Variants in PTPRK observed in about 807,000 individuals in gnomAD.
PTPRK encodes protein tyrosine phosphatase receptor type K.
Under a neutral mutation model 178.0 loss-of-function variants are expected in PTPRK, and 75 were observed. The observed-to-expected ratio is 0.42, with a 90% CI of 0.35 to 0.51. PTPRK has a LOEUF of 0.51. PTPRK is among the 20% of genes least tolerant of loss of function. The pLI, the probability that PTPRK is intolerant of heterozygous loss-of-function variation, is 0.02. For synonymous variants in PTPRK, 637 were observed against 620.6 expected, an observed-to-expected ratio of 1.03 and a Z score of -0.39; for missense variants, 1,441 against 1,797.8, an observed-to-expected ratio of 0.80 and a Z score of 3.59.
chr6:128,177,293 T>G (rs1801214309), intron 7 of PTPRK, among the ~76,000 whole-genome samples: 1 of 151,782 alleles, frequency 6.6e-6, no homozygotes, highest in Admixed American at 6.6e-5. Flanking sequence ...ATTTTACTTT[T>G]AAAGCCATTT....
Position 128,034,018 on chromosome 6 carries a change from C to T in PTPRK, c.2195-24750G>A, listed in dbSNP as rs149029694. Among the ~76,000 whole-genome samples, 405 of 152,258 alleles carry T rather than the reference C, an allele frequency of 2.7e-3. 1 individual carries two copies. Among genetic ancestry groups the T allele is most frequent in the Non-Finnish European group, 4.3e-3 (295 of 68,014 alleles). On this transcript the variant is annotated intron_variant, in intron 13 of 29. Coordinates refer to ENST00000368226, the MANE Select transcript of PTPRK (RefSeq NM_002844.4). ...TATTTCTATTCTTTATATCTTCATACGAAAAGATATACTTCGGTACACTTA... is the reference window on the plus strand; with the variant it reads ...TATTTCTATTCTTTATATCTTCATATGAAAAGATATACTTCGGTACACTTA...
intron 1 of PTPRK, among the ~76,000 whole-genome samples, chr6:128,493,363 C>A (rs2128431407): frequency 6.6e-6 from 1 of 151,034 alleles, no homozygotes; most frequent in East Asian, 1.9e-4. Flanking sequence ...GAGATCAAGA[C>A]CATCCTGGCT....
chr6:128,070,364 T>C (rs1782600084), intron 11 of PTPRK, among the ~76,000 whole-genome samples: 1 of 152,010 alleles, frequency 6.6e-6, no homozygotes, highest in Admixed American at 6.6e-5. Flanking sequence ...AAAGTGATAG[T>C]ATTTGGAGAG....
At chr6:128,505,156 T>G in intron 1 of PTPRK, among the ~76,000 whole-genome samples, 1 of 148,376 alleles carries the variant, frequency 6.7e-6, no homozygotes, top group Non-Finnish European at 1.5e-5. Flanking sequence ...CAGGCTGGAG[T>G]GCAGTGGCGA....
At chr6:128,401,467 T>G (rs1424244477) in intron 1 of PTPRK, among the ~76,000 whole-genome samples, 1 of 152,012 alleles carries the variant, frequency 6.6e-6, no homozygotes, top group Non-Finnish European at 1.5e-5. Flanking sequence ...CAGGAAAAAA[T>G]GAATACTAAA....
chr6:127,978,465 C>T lies in PTPRK; in HGVS notation c.3712-1411G>A, dbSNP rs556477001. Among the ~76,000 whole-genome samples, 9 of 152,256 alleles carry T rather than the reference C, an allele frequency of 5.9e-5. 1 individual carries two copies. In the South Asian group the frequency reaches 8.3e-4, roughly 14 times the overall value. On this transcript the variant is annotated intron_variant, in intron 25 of 29. Transcript: ENST00000368226. ...AAGAAGGACGGGTTTGCTTCCCCTT[C>T]GGCCATAATTGCAGGGATCCTGAGG...
intron 7 of PTPRK, among the ~76,000 whole-genome samples, chr6:128,110,988 C>T (rs1411611083): frequency 2.6e-5 from 4 of 152,150 alleles, no homozygotes; most frequent in East Asian, 1.9e-4. Flanking sequence ...CATATCACCA[C>T]GTCTGATGGT....
intron 7 of PTPRK, among the ~76,000 whole-genome samples, chr6:128,128,069 A>G (rs1296599599): frequency 6.6e-6 from 1 of 152,234 alleles, no homozygotes; most frequent in African/African-American, 2.4e-5. Flanking sequence ...GCTATCATCT[A>G]AAACCAATGA....
At chr6:128,399,946 T>C (rs1192836629) in intron 1 of PTPRK, among the ~76,000 whole-genome samples, 1 of 152,214 alleles carries the variant, frequency 6.6e-6, no homozygotes, top group Non-Finnish European at 1.5e-5. Context: ...TTTTAAATAA[T>C]TTTTAATTTC....
chr6:128,388,242 A>C (rs1839047143), intron 2 of PTPRK, among the ~76,000 whole-genome samples: 2 of 152,284 alleles, frequency 1.3e-5, no homozygotes, highest in African/African-American at 4.8e-5. Context: ...GACAACTAAG[A>C]ACCTCTTTTT....
intron 7 of PTPRK, among the ~76,000 whole-genome samples, chr6:128,168,431 C>T (rs907384317): frequency 6.6e-6 from 1 of 152,048 alleles, no homozygotes; most frequent in African/African-American, 2.4e-5. Context: ...GATATCTGTA[C>T]TCCCATGTTC....
chr6:128,495,112 T>G (rs1414441555), intron 1 of PTPRK, among the ~76,000 whole-genome samples: 1 of 152,186 alleles, frequency 6.6e-6, no homozygotes. Flanking sequence ...ACTGTGTGGG[T>G]GAGTGTGTGT....
At chr6:128,461,231 CGT>C (rs144928884) in intron 1 of PTPRK, among the ~76,000 whole-genome samples, 452 of 146,356 alleles carry the variant, frequency 3.1e-3, no homozygotes, top group Non-Finnish European at 4.2e-3. Flanking sequence ...TTTGTTATTC[CGT>C]GTGTGTGTGT....
intron 11 of PTPRK, among the ~76,000 whole-genome samples, chr6:128,068,455 G>A (rs1782217250): frequency 6.6e-6 from 1 of 152,146 alleles, no homozygotes; most frequent in African/African-American, 2.4e-5. Context: ...GTTACAAATT[G>A]TAGAAACAGA....
chr6:128,165,926 A>G (rs951208568), intron 7 of PTPRK, among the ~76,000 whole-genome samples: 6 of 151,686 alleles, frequency 4.0e-5, no homozygotes, highest in African/African-American at 1.2e-4. Flanking sequence ...TAAAAATAGC[A>G]TTGGACATTT....
At chr6:128,368,958 A>C (rs180848869) in intron 2 of PTPRK, among the ~76,000 whole-genome samples, 44 of 152,088 alleles carry the variant, frequency 2.9e-4, no homozygotes, top group Admixed American at 7.2e-4. Flanking sequence ...AACAAAAAAA[A>C]AAACACACAC....
chr6:128,358,900 T>C (rs369236351), intron 2 of PTPRK, among the ~76,000 whole-genome samples: 1 of 152,154 alleles, frequency 6.6e-6, no homozygotes. Flanking sequence ...AAAATTATAA[T>C]AGACTGCTCA....
chr6:128,244,395 G>A (rs117655204), intron 3 of PTPRK, among the ~76,000 whole-genome samples: 2,857 of 152,228 alleles, frequency 0.019, 35 homozygotes, highest in Non-Finnish European at 0.028. Context: ...AGATAAATAA[G>A]AGAAGAAAAC....
intron 6 of PTPRK, among the ~76,000 whole-genome samples, chr6:128,197,708 G>T (rs977052162): frequency 7.2e-5 from 11 of 151,892 alleles, no homozygotes; most frequent in African/African-American, 2.7e-4. Context: ...GGGGAGGGGG[G>T]ACAATCAAAC....
Sources: gnomAD v4.1 joint callset for allele counts (sites outside exome capture counted in the v4.1 genomes callset) on GRCh38, gnomAD v4.1.1 for gene constraint, MANE v1.5 for transcripts, NCBI Gene and HGNC (gene_info 2026-07-23, HGNC 2026-07-21) for gene names.